The following ZNF674 variants were observed in gnomAD, a reference collection of about 807,000 sequenced individuals.
ZNF674 encodes zinc finger family member 674.
In ZNF674, 2 loss-of-function variants were observed where a neutral mutation model predicts 7.0. That is an observed-to-expected ratio of 0.29 (90% CI 0.12 to 0.90). The LOEUF (loss-of-function observed/expected upper bound fraction) is 0.90. ZNF674 is among the 40% of genes least tolerant of loss of function. The probability of loss-of-function intolerance (pLI) is 0.57; values close to 1 mark genes in which losing one functional copy is unlikely to be tolerated. For synonymous variants in ZNF674, 103 were observed against 145.2 expected (o/e 0.71, Z 2.09); for missense variants, 297 against 415.5 (o/e 0.71, Z 2.48).
At position 46,524,893 on chromosome X, in the gene ZNF674, C is replaced by A. The variant is rs927258932; in HGVS notation, c.238+3457G>T. Among the ~76,000 whole-genome samples the A allele has an allele frequency of 3.7e-5, 4 of 108,626 alleles. No homozygotes were observed. The Admixed American group carries it at 4.0e-4, about 11-fold the overall frequency. 94.3% of individuals were successfully genotyped at this position (108,626 alleles called of 115,157 possible). A position where few individuals can be genotyped will look rare whatever the true frequency, so the allele number is the denominator to read the frequency against. On this transcript the variant is annotated intron_variant, in intron 5 of 5. Transcript: ENST00000683375. ...GGCATGGTGGTACATGCCTGTAGTCCCAGCTACTCTGGAGGCTAAGGCAGG... is the reference window on the plus strand; with the variant it reads ...GGCATGGTGGTACATGCCTGTAGTCACAGCTACTCTGGAGGCTAAGGCAGG...
intron 3 of ZNF674, 81 bp downstream of exon 3, chrX:46,541,992 G>C (rs928306046): frequency 3.4e-5 from 29 of 847,559 alleles, no homozygotes; most frequent in Non-Finnish European, 4.2e-5. Flanking sequence ...GGGGATAATT[G>C]GTATTTTCAA....
At chrX:46,512,038 AG>A (rs1403421998) in intron 5 of ZNF674, among the ~76,000 whole-genome samples, 1 of 100,337 alleles carries the variant, frequency 1.0e-5, no homozygotes, top group East Asian at 3.3e-4. Flanking sequence ...AAAAAAAAAA[AG>A]GGTGCTTGCC....
intron 3 of ZNF674, chrX:46,529,250 A>G (rs924771833): frequency 4.1e-6 from 1 of 244,674 alleles, no homozygotes; most frequent in African/African-American, 2.7e-5. Context: ...GACTAAAATC[A>G]TTTTGAACTT....
chrX:46,500,409 A>G lies in ZNF674; in HGVS notation c.1165T>C (p.Phe389Leu). The change falls in exon 6 of 6, where the codon TTC (phenylalanine) becomes CTC (leucine). Residue 389 changes from phenylalanine (F) to leucine (L), a missense_variant. Phe to Leu is a conservative substitution (Grantham distance 22, BLOSUM62 0). Transcript: ENST00000683375. ...ACAGAGAGGTGTGACTTTCCTCTGA[A>G]GCTTTTCCCACATTTACTACACTCA... is the stretch of plus-strand genomic sequence containing the variant. ...IYECSKCGKS[F>L]RGKSHLSVHQ... The G allele has an allele frequency of 1.7e-6, 2 of 1,210,446 alleles. No homozygotes were observed. The highest frequency in any genetic ancestry group is 2.2e-6 in the Non-Finnish European group (2 of 894,483).
rs955498782 is a variant in ZNF674, at chrX:46,501,063, C to G, written c.511G>C (p.Ala171Pro). 1.7e-5 allele frequency: 20 copies of G among 1,208,226 alleles called. No individual in the cohort carries two copies. Among genetic ancestry groups the G allele is most frequent in the Non-Finnish European group, 1.9e-5 (17 of 893,436 alleles). ...YVRKKDDGCKAYWKVCLHYNL... is the reference protein window; with the variant it reads ...YVRKKDDGCKPYWKVCLHYNL... ...TAATGGAGGCATACTTTCCAATATG[C>G]CTTACATCCATCATCTTTCTTTCTT... The change falls in exon 6 of 6, where the codon GCA (alanine) becomes CCA (proline). Residue 171 changes from alanine to proline, a missense_variant. Ala to Pro is a conservative substitution (Grantham distance 27). Transcript: ENST00000683375.
chrX:46,540,527 A>G (rs1034315291), intron 3 of ZNF674, among the ~76,000 whole-genome samples: 3 of 111,951 alleles, frequency 2.7e-5, no homozygotes, highest in African/African-American at 9.7e-5. Flanking sequence ...TTTCAGGTTA[A>G]GTGGCTTCAC....
chrX:46,505,819 A>C lies in ZNF674; in HGVS notation c.239-4484T>G, dbSNP rs762765063. On this transcript the variant is annotated intron_variant, in intron 5 of 5. Coordinates refer to ENST00000683375, the MANE Select transcript of ZNF674 (RefSeq NM_001190417.2). ...ACGAAAAAAAAAACTAGTAAACCTC[A>C]CTAAGAACAGCCAGGTCATGGTTCA... is the stretch of plus-strand genomic sequence containing the variant. Among the ~76,000 whole-genome samples the C allele has an allele frequency of 2.7e-5, 3 of 109,745 alleles. No individual in the cohort carries two copies. In the South Asian group the frequency reaches 1.2e-3, roughly 43 times the overall value.
At chrX:46,544,278 C>G (rs1851268416) in intron 2 of ZNF674, among the ~76,000 whole-genome samples, 1 of 113,083 alleles carries the variant, frequency 8.8e-6, no homozygotes, top group South Asian at 3.5e-4. Context: ...GGGACAAAGG[C>G]CACTACGGGT....
intron 5 of ZNF674, among the ~76,000 whole-genome samples, chrX:46,507,226 G>A (rs779879145): frequency 1.8e-4 from 20 of 110,810 alleles, no homozygotes; most frequent in Non-Finnish European, 3.0e-4. Flanking sequence ...GTAGTGCACA[G>A]CTATAGTCCC....
intron 3 of ZNF674, among the ~76,000 whole-genome samples, chrX:46,531,523 GCTGGTGTCCA>G (rs1200354478): frequency 8.9e-6 from 1 of 111,823 alleles, no homozygotes; most frequent in African/African-American, 3.3e-5. Flanking sequence ...AGGAGACCCA[GCTGGTGTCCA>G]CTGGAGAATG....
chrX:46,518,814 A>G (rs1941819794), intron 5 of ZNF674, among the ~76,000 whole-genome samples: 1 of 107,774 alleles, frequency 9.3e-6, no homozygotes, highest in African/African-American at 3.4e-5. Context: ...TGAACCCGGA[A>G]GGCGGAGTTT....
At chrX:46,524,507 C>T (rs573524874) in intron 5 of ZNF674, among the ~76,000 whole-genome samples, 40 of 107,259 alleles carry the variant, frequency 3.7e-4, no homozygotes, top group Middle Eastern at 4.9e-3. Context: ...CTGACCAACA[C>T]GAAGAAACCC....
At position 46,499,453 on chromosome X, in the gene ZNF674, G is replaced by A. The variant is rs746666996; in HGVS notation, c.*390C>T. The stretch of plus-strand genomic sequence containing the variant: ...TGCTAGGATTACAGGTGTGAGCTAC[G>A]TACCACGCCTGGCTACCATGGTTTT... On this transcript the variant is annotated 3_prime_UTR_variant, in exon 6 of 6. Transcript: ENST00000683375. 5.0e-5 allele frequency: 6 copies of A among 119,553 alleles called. No homozygotes were observed. Among genetic ancestry groups the A allele is most frequent in the Admixed American group, 8.5e-5 (1 of 11,712 alleles). 9.9% of individuals were successfully genotyped at this position (119,553 alleles called of 1,213,427 possible). A position where few individuals can be genotyped will look rare whatever the true frequency, so the allele number is the denominator to read the frequency against.
intron 5 of ZNF674, among the ~76,000 whole-genome samples, chrX:46,518,258 C>CA (rs199954320): frequency 9.0e-6 from 1 of 110,575 alleles, no homozygotes; most frequent in Admixed American, 9.7e-5. Flanking sequence ...TAGTTGAAAG[C>CA]AAAAAAATAT....
Position 46,499,985 on chromosome X carries a change from C to T in ZNF674, c.1589G>A (p.Ser530Asn), listed in dbSNP as rs1343460857. The T allele has an allele frequency of 8.3e-7, 1 of 1,207,908 alleles. No homozygotes were observed. Among genetic ancestry groups the T allele is most frequent in the Admixed American group, 2.2e-5 (1 of 45,766 alleles). The change falls in exon 6 of 6, where the codon AGT (serine) becomes AAT (asparagine). Residue 530 changes from serine to asparagine, a missense_variant. Transcript: ENST00000683375. ...YKCSECGKAF[S>N]VKSTLIVHHR... ...ATGCACAATGAGAGTTGATTTCACA[C>T]TGAAGGCCTTCCCACATTCACTACA... is the stretch of plus-strand genomic sequence containing the variant.
At chrX:46,505,746 G>A (rs1051303402) in intron 5 of ZNF674, among the ~76,000 whole-genome samples, 1 of 106,784 alleles carries the variant, frequency 9.4e-6, no homozygotes, top group South Asian at 4.1e-4. Context: ...ACTCTAGCCT[G>A]GGCTAAAAGA....
At position 46,500,352 on chromosome X, in the gene ZNF674, A is replaced by G; in HGVS notation, c.1222T>C (p.Tyr408His). The change falls in exon 6 of 6, where the codon TAT becomes CAT. Residue 408 changes from tyrosine to histidine, a missense_variant. Transcript: ENST00000683375. ...HQRIHTGEKP[Y>H]ECSICGKTFS... ...GTCTTCCCACATATACTACATTCAT[A>G]GGGTTTCTCTCCTGTATGAATTCTC... 8.3e-7 allele frequency: 1 copy of G among 1,211,467 alleles called. No homozygotes were observed.
chrX:46,541,309 C>T (rs1460904769), intron 3 of ZNF674, among the ~76,000 whole-genome samples: 4 of 103,746 alleles, frequency 3.9e-5, no homozygotes, highest in Non-Finnish European at 5.9e-5. Flanking sequence ...TGCAGTGAGC[C>T]GATATCGCAC....
chrX:46,499,376 T>C lies in ZNF674; in HGVS notation c.*467A>G, dbSNP rs12687128. On this transcript the variant is annotated 3_prime_UTR_variant, in exon 6 of 6. Transcript: ENST00000683375. ...CAGAGTTTTGCCATGTTGCCCAGGC[T>C]GGTCTCAAACTTGTGAGCTCAAGCA... 0.15 allele frequency: 16,980 copies of C among 113,895 alleles called. 1,142 individuals carry two copies. The highest frequency in any genetic ancestry group is 0.42 in the East Asian group (1,479 of 3,533). The allele number at this position is 113,895 out of a possible 1,213,427, so 9.4% of individuals were successfully genotyped here.
Sources: gnomAD v4.1 joint callset for allele counts (sites outside exome capture counted in the v4.1 genomes callset) on GRCh38, gnomAD v4.1.1 for gene constraint, MANE v1.5 for transcripts, NCBI Gene and HGNC (gene_info 2026-07-23, HGNC 2026-07-21) for gene names.